The following PTPN11 variants were observed in gnomAD, a reference collection of about 807,000 sequenced individuals.
The protein encoded by PTPN11 is protein tyrosine phosphatase non-receptor type 11, also known as tyrosine-protein phosphatase non-receptor type 11.
In PTPN11, 6 loss-of-function variants were observed where a neutral mutation model predicts 78.8. That is an observed-to-expected ratio of 0.08 (90% CI 0.04 to 0.15). The LOEUF (loss-of-function observed/expected upper bound fraction) is 0.15. PTPN11 is among the 10% of genes least tolerant of loss of function. The probability of loss-of-function intolerance (pLI) is 1.00; values close to 1 mark genes in which losing one functional copy is unlikely to be tolerated. For synonymous variants in PTPN11, 221 were observed against 263.5 expected, an observed-to-expected ratio of 0.84 and a Z score of 1.56; for missense variants, 386 against 744.8, an observed-to-expected ratio of 0.52 and a Z score of 5.61.
rs572197153 is a variant in PTPN11 at position 112,496,707 on chromosome 12, A to G, written c.1600-5437A>G. ...ACCAACCTATCTACTCATTTGTTCA[A>G]CCCTGGTATAGGTGTAAAGTAGTTT... On this transcript the variant is annotated intron_variant, in intron 13 of 15. Coordinates refer to ENST00000351677, the MANE Select transcript of PTPN11 (RefSeq NM_002834.5). Among the ~76,000 whole-genome samples the G allele has an allele frequency of 2.6e-5, 4 of 152,088 alleles. No individual in the cohort carries two copies. In the South Asian group the frequency reaches 8.3e-4, roughly 32 times the overall value.
At position 112,419,120 on chromosome 12, in the gene PTPN11, G is replaced by C. The variant is rs2037474054; in HGVS notation, c.9G>C (p.Ser3=). The C allele has an allele frequency of 3.3e-6, 5 of 1,526,068 alleles. No homozygotes were observed. Among genetic ancestry groups the C allele is most frequent in the Non-Finnish European group, 4.4e-6 (5 of 1,139,436 alleles). The allele number at this position is 1,526,068 out of a possible 1,614,324, so 94.5% of individuals were successfully genotyped here. Residue 3 remains serine (S), a synonymous_variant, in exon 1 of 16, where the codon TCG becomes TCC. Coordinates refer to ENST00000351677, the MANE Select transcript of PTPN11 (RefSeq NM_002834.5). ...CGGAGGGCGGGAGGAACATGACATC[G>C]CGGAGGTGAGGAGCCCCGAGGGGCC... MT[S]RRWFHPNITG... is the part of the protein sequence containing the mutation.
At chr12:112,486,733 A>C in intron 11 of PTPN11, 104 bp downstream of exon 11, 2 of 1,543,642 alleles carry the variant, frequency 1.3e-6, no homozygotes, top group Non-Finnish European at 1.7e-6. Context: ...TGTAGGAAGA[A>C]TTTAATATCT....
chr12:112,433,276 A>G (rs952488262), intron 1 of PTPN11, among the ~76,000 whole-genome samples: 9 of 152,236 alleles, frequency 5.9e-5, no homozygotes, highest in African/African-American at 2.2e-4. Context: ...TATTCAGTAC[A>G]GTAGCATGCT....
At chr12:112,445,383 C>G (rs147299317) in intron 1 of PTPN11, among the ~76,000 whole-genome samples, 1 of 152,164 alleles carries the variant, frequency 6.6e-6, no homozygotes, top group African/African-American at 2.4e-5. Context: ...CTGCCCGCCT[C>G]GGCCTCCCAA....
intron 1 of PTPN11, among the ~76,000 whole-genome samples, chr12:112,426,864 G>A (rs2037623817): frequency 6.6e-6 from 1 of 151,752 alleles, no homozygotes; most frequent in East Asian, 1.9e-4. Flanking sequence ...CTTGAACTCT[G>A]GGGCTCAACC....
rs187198876 is a variant in PTPN11 at position 112,499,327 on chromosome 12, T to A, written c.1600-2817T>A. Among the ~76,000 whole-genome samples, 670 of 152,146 alleles carry A rather than the reference T, an allele frequency of 4.4e-3. 4 individuals carry two copies. Among genetic ancestry groups the A allele is most frequent in the African/African-American group, 0.015 (618 of 41,550 alleles). ...AAACCTCAGGATAAGTTTTATTTTT[T>A]AAAAAATTTATTTTTTATTATTTTT... On this transcript the variant is annotated intron_variant, in intron 13 of 15. Coordinates refer to ENST00000351677, the MANE Select transcript of PTPN11 (RefSeq NM_002834.5).
At chr12:112,489,240 C>T in intron 13 of PTPN11, 65 bp downstream of exon 13, 1 of 1,582,410 alleles carries the variant, frequency 6.3e-7, no homozygotes, top group Non-Finnish European at 8.7e-7. Flanking sequence ...ATACGCTCTC[C>T]TTTTGAGCAG....
intron 1 of PTPN11, among the ~76,000 whole-genome samples, chr12:112,427,281 T>C (rs953307897): frequency 2.6e-5 from 4 of 151,176 alleles, no homozygotes; most frequent in African/African-American, 4.9e-5. Context: ...GCGTGGTGGC[T>C]CACACCTGTA....
intron 6 of PTPN11, among the ~76,000 whole-genome samples, chr12:112,472,532 C>A (rs1474579240): frequency 6.6e-6 from 1 of 151,596 alleles, no homozygotes; most frequent in Non-Finnish European, 1.5e-5. Flanking sequence ...TTCAGATGAA[C>A]CTTCTTTTTT....
chr12:112,489,605 G>A (rs147565650), intron 13 of PTPN11, among the ~76,000 whole-genome samples: 2 of 152,232 alleles, frequency 1.3e-5, no homozygotes, highest in East Asian at 1.9e-4. Flanking sequence ...TGGTCGAGTT[G>A]GAAACAGTGA....
chr12:112,469,701 G>T (rs1273347046), intron 6 of PTPN11, among the ~76,000 whole-genome samples: 1 of 151,992 alleles, frequency 6.6e-6, no homozygotes, highest in Non-Finnish European at 1.5e-5. Context: ...TTTTAGTAGA[G>T]ACCAGGTTTT....
At chr12:112,489,548 A>G (rs190673183) in intron 13 of PTPN11, among the ~76,000 whole-genome samples, 85 of 152,280 alleles carry the variant, frequency 5.6e-4, no homozygotes, top group Non-Finnish European at 9.4e-4. Flanking sequence ...ATCCTTTAAA[A>G]CGAATGCCTC....
At chr12:112,494,488 A>G (rs1474290656) in intron 13 of PTPN11, among the ~76,000 whole-genome samples, 1 of 152,088 alleles carries the variant, frequency 6.6e-6, no homozygotes, top group African/African-American at 2.4e-5. Flanking sequence ...TATTGCTTGA[A>G]TTGACTTGAA....
At chr12:112,456,292 G>A (rs979315436) in intron 6 of PTPN11, among the ~76,000 whole-genome samples, 46 of 152,272 alleles carry the variant, frequency 3.0e-4, no homozygotes, top group African/African-American at 1.0e-3. Flanking sequence ...GGATGTGCTA[G>A]CCGCTCCATT....
At chr12:112,442,613 G>A (rs555353716) in intron 1 of PTPN11, among the ~76,000 whole-genome samples, 12 of 150,628 alleles carry the variant, frequency 8.0e-5, no homozygotes, top group African/African-American at 2.2e-4. Flanking sequence ...CACCACGGCC[G>A]GCTAATTTTT....
Position 112,507,597 on chromosome 12 carries a change from C to T in PTPN11, c.*1805C>T, listed in dbSNP as rs188162577. 61 of 152,878 alleles carry T rather than the reference C, an allele frequency of 4.0e-4. No homozygotes were observed. Among genetic ancestry groups the T allele is most frequent in the South Asian group, 2.1e-3 (10 of 4,820 alleles). 9.5% of individuals were successfully genotyped at this position (152,878 alleles called of 1,614,324 possible). A position where few individuals can be genotyped will look rare whatever the true frequency, so the allele number is the denominator to read the frequency against. ...GCCTCATATGTTGAATCATCCAGTG[C>T]GGATATTTCAATGAAAATATCATTG... is the stretch of plus-strand genomic sequence containing the variant. On this transcript the variant is annotated 3_prime_UTR_variant, in exon 16 of 16. Transcript: ENST00000351677.
intron 1 of PTPN11, 103 bp downstream of exon 1, chr12:112,419,228 GC>G: frequency 8.1e-7 from 1 of 1,236,846 alleles, no homozygotes; most frequent in Middle Eastern, 3.0e-4. Context: ...TCGGGCTCCC[GC>G]CCCGGGTCGG....
At chr12:112,470,647 C>T (rs1370060735) in intron 6 of PTPN11, among the ~76,000 whole-genome samples, 2 of 152,036 alleles carry the variant, frequency 1.3e-5, no homozygotes, top group South Asian at 2.1e-4. Flanking sequence ...GCCCTGCCAC[C>T]GCCCCCCCAC....
chr12:112,435,680 T>C (rs1388844729), intron 1 of PTPN11, among the ~76,000 whole-genome samples: 3 of 149,156 alleles, frequency 2.0e-5, no homozygotes, highest in Non-Finnish European at 4.4e-5. Flanking sequence ...TACTACAATA[T>C]GACTACCAGT....
Sources: allele counts gnomAD v4.1 joint callset (sites outside exome capture counted in the v4.1 genomes callset), GRCh38; gene constraint gnomAD v4.1.1; transcripts MANE v1.5; gene names NCBI Gene and HGNC (gene_info 2026-07-23, HGNC 2026-07-21).